The following EYS variants were observed in gnomAD, a reference collection of about 807,000 sequenced individuals.
The protein encoded by EYS is EGF-like photoreceptor maintenance factor.
Under a neutral mutation model 282.1 loss-of-function variants are expected in EYS, and 250 were observed. The ratio of observed to expected loss-of-function variants is 0.89; its 90% CI spans 0.80 to 0.98. EYS has a LOEUF of 0.98. Among genes scored for constraint, EYS ranks in the 50% least tolerant of loss-of-function variants. The probability of loss-of-function intolerance (pLI) is 0.00; values close to 1 mark genes in which losing one functional copy is unlikely to be tolerated. For synonymous variants in EYS, 1,355 were observed against 1,282.9 expected (o/e 1.06, Z -1.20); for missense variants, 4,016 against 3,709.0 (o/e 1.08, Z -2.15).
At chr6:65,382,502 T>TGTGTGTGTGC (rs1468660894) in intron 8 of EYS, among the ~76,000 whole-genome samples, 5 of 150,446 alleles carry the variant, frequency 3.3e-5, no homozygotes, top group Admixed American at 2.0e-4. Flanking sequence ...TGTGTGTGTG[T>TGTGTGTGTGC]GCTCTTCTAG....
chr6:64,020,240 A>G (rs1209950003), intron 33 of EYS, among the ~76,000 whole-genome samples: 2 of 152,170 alleles, frequency 1.3e-5, no homozygotes, highest in Non-Finnish European at 1.5e-5. Context: ...ACACACAGAA[A>G]TGACAAATAC....
At chr6:64,305,026 T>TTGAAAAACCAAAGTTG (rs1463597267) in intron 30 of EYS, among the ~76,000 whole-genome samples, 1 of 152,214 alleles carries the variant, frequency 6.6e-6, no homozygotes, top group Admixed American at 6.5e-5. Flanking sequence ...CAAAGTTGGT[T>TTGAAAAACCAAAGTTG]GTTTGAAAAA....
At chr6:64,358,618 C>T (rs1021066778) in intron 29 of EYS, among the ~76,000 whole-genome samples, 1 of 151,572 alleles carries the variant, frequency 6.6e-6, no homozygotes, top group Non-Finnish European at 1.5e-5. Context: ...GAAGTTGGCT[C>T]TCTTCACTTT....
chr6:64,010,740 C>T (rs923389999), intron 33 of EYS, among the ~76,000 whole-genome samples: 2 of 152,078 alleles, frequency 1.3e-5, no homozygotes, highest in African/African-American at 4.8e-5. Flanking sequence ...GAGAAACGTA[C>T]CTGATCTTTT....
chr6:64,366,415 C>T (rs909913901), intron 29 of EYS, among the ~76,000 whole-genome samples: 3 of 151,946 alleles, frequency 2.0e-5, no homozygotes, highest in Non-Finnish European at 4.4e-5. Context: ...GATAGAGATC[C>T]TCACTAGACC....
At chr6:64,360,053 G>A (rs1771954629) in intron 29 of EYS, among the ~76,000 whole-genome samples, 1 of 151,476 alleles carries the variant, frequency 6.6e-6, no homozygotes, top group South Asian at 2.1e-4. Context: ...CTCTGAATAG[G>A]GGTCAAAAGA....
At chr6:64,297,744 G>A (rs115888823) in intron 30 of EYS, among the ~76,000 whole-genome samples, 4,554 of 152,140 alleles carry the variant, frequency 0.03, 214 homozygotes, top group African/African-American at 0.1. Context: ...CTGAGAGGCC[G>A]AGGCAGGTGT....
At chr6:63,882,100 A>C (rs1173552046) in intron 35 of EYS, among the ~76,000 whole-genome samples, 1 of 152,218 alleles carries the variant, frequency 6.6e-6, no homozygotes, top group Non-Finnish European at 1.5e-5. Context: ...ATCTAAAATC[A>C]AGTTATCTCT....
chr6:64,353,112 C>G (rs1771701103), intron 29 of EYS, among the ~76,000 whole-genome samples: 1 of 151,466 alleles, frequency 6.6e-6, no homozygotes. Flanking sequence ...TGCAATATGA[C>G]TAGGTGCTTC....
intron 13 of EYS, among the ~76,000 whole-genome samples, chr6:65,047,528 A>G (rs540223443): frequency 1.3e-5 from 2 of 152,058 alleles, no homozygotes; most frequent in East Asian, 3.9e-4. Flanking sequence ...ATGACCATTT[A>G]TATTTAAGAT....
intron 29 of EYS, among the ~76,000 whole-genome samples, chr6:64,329,425 C>T (rs777906820): frequency 4.6e-5 from 7 of 151,976 alleles, no homozygotes; most frequent in East Asian, 1.9e-4. Context: ...ATCATAATGA[C>T]GCTTACTGTC....
intron 12 of EYS, among the ~76,000 whole-genome samples, chr6:65,169,069 CT>C (rs1376439965): frequency 6.6e-6 from 1 of 151,422 alleles, no homozygotes; most frequent in Non-Finnish European, 1.5e-5. Context: ...TGAACATTTA[CT>C]TTATGTACTA....
At chr6:64,653,174 C>T (rs1768625014) in intron 22 of EYS, among the ~76,000 whole-genome samples, 1 of 152,028 alleles carries the variant, frequency 6.6e-6, no homozygotes, top group Non-Finnish European at 1.5e-5. Flanking sequence ...AGGGAGACCA[C>T]CATCTATAAG....
At chr6:65,430,309 G>A (rs934937823) in intron 5 of EYS, among the ~76,000 whole-genome samples, 9 of 152,084 alleles carry the variant, frequency 5.9e-5, no homozygotes, top group African/African-American at 1.7e-4. Context: ...ACCGAACACC[G>A]AACTCATCTG....
At chr6:65,591,301 C>G (rs1765224423) in intron 2 of EYS, among the ~76,000 whole-genome samples, 1 of 151,658 alleles carries the variant, frequency 6.6e-6, no homozygotes, top group Non-Finnish European at 1.5e-5. Flanking sequence ...CCATCTCAAT[C>G]AATCCTCCCC....
intron 30 of EYS, among the ~76,000 whole-genome samples, chr6:64,283,822 G>T (rs1423554689): frequency 1.3e-5 from 2 of 152,072 alleles, no homozygotes; most frequent in African/African-American, 4.8e-5. Flanking sequence ...AAATAAGGAA[G>T]ATGCACAAGC....
At chr6:65,496,040 T>G (rs563567952) in intron 2 of EYS, 47 bp from the exon 3 acceptor site, 2 of 152,452 alleles carry the variant, frequency 1.3e-5, no homozygotes, top group South Asian at 4.1e-4. Context: ...ATTTTTCATG[T>G]AATATTTTAT....
intron 13 of EYS, among the ~76,000 whole-genome samples, chr6:65,007,345 A>T (rs1379576100): frequency 1.3e-5 from 2 of 152,020 alleles, no homozygotes; most frequent in Non-Finnish European, 2.9e-5. Flanking sequence ...TGGAGAATTA[A>T]GACCAATTTG....
At chr6:63,977,328 T>C (rs1212295099) in intron 35 of EYS, among the ~76,000 whole-genome samples, 1 of 151,954 alleles carries the variant, frequency 6.6e-6, no homozygotes, top group Non-Finnish European at 1.5e-5. Context: ...TTAGCTGTTT[T>C]GAAACATGCA....
Sources: gnomAD v4.1 joint callset for allele counts (sites outside exome capture counted in the v4.1 genomes callset) on GRCh38, gnomAD v4.1.1 for gene constraint, MANE v1.5 for transcripts, NCBI Gene and HGNC (gene_info 2026-07-23, HGNC 2026-07-21) for gene names.